The following SMAD2 variants were observed in gnomAD, a reference collection of about 807,000 sequenced individuals.
SMAD2 encodes the protein MAD homolog 2.
In SMAD2, 8 loss-of-function variants were observed where a neutral mutation model predicts 64.4. The ratio of observed to expected loss-of-function variants is 0.12; its 90% confidence interval spans 0.07 to 0.22. The LOEUF is 0.22. Among genes scored for constraint, SMAD2 ranks in the 10% least tolerant of loss-of-function variants. The probability of loss-of-function intolerance (pLI) is 1.00; values close to 1 mark genes in which losing one functional copy is unlikely to be tolerated. For missense variants in SMAD2, 289 were observed against 561.2 expected (o/e 0.51, Z 4.90); for synonymous variants, 203 against 195.8 (o/e 1.04, Z -0.31).
intron 2 of SMAD2, among the ~76,000 whole-genome samples, chr18:47,879,248 ACC>A (rs1342498629): frequency 6.6e-6 from 1 of 152,192 alleles, no homozygotes; most frequent in Non-Finnish European, 1.5e-5. Context: ...TCTTAATGGT[ACC>A]ATTTGAGTTT....
chr18:47,914,639 CATA>C (rs909898967), intron 1 of SMAD2, among the ~76,000 whole-genome samples: 1 of 151,210 alleles, frequency 6.6e-6, no homozygotes, highest in Non-Finnish European at 1.5e-5. Flanking sequence ...TTTGCTAAGT[CATA>C]ATGCCACTTC....
At chr18:47,880,165 C>G (rs922125300) in intron 2 of SMAD2, among the ~76,000 whole-genome samples, 1 of 152,190 alleles carries the variant, frequency 6.6e-6, no homozygotes, top group Non-Finnish European at 1.5e-5. Context: ...TGGAGTCTAA[C>G]TTAGCAGCTT....
At chr18:47,854,822 T>C (rs764365517) in intron 6 of SMAD2, among the ~76,000 whole-genome samples, 31 of 152,098 alleles carry the variant, frequency 2.0e-4, no homozygotes, top group Admixed American at 4.6e-4. Flanking sequence ...CAAACCACAA[T>C]GGTCCATTTG....
intron 1 of SMAD2, 146 bp downstream of exon 1, chr18:47,930,215 A>ACGCC: frequency 6.6e-6 from 1 of 151,566 alleles, no homozygotes; most frequent in South Asian, 2.1e-4. Flanking sequence ...CCGAACCCGC[A>ACGCC]CGCCCGGGCC....
At chr18:47,856,040 A>G (rs550520514) in intron 6 of SMAD2, among the ~76,000 whole-genome samples, 98 of 152,316 alleles carry the variant, frequency 6.4e-4, no homozygotes, top group African/African-American at 2.2e-3. Flanking sequence ...TGCCTTAAAA[A>G]GGGAGATCCT....
chr18:47,870,401 C>A (rs913588161), intron 3 of SMAD2, 74 bp downstream of exon 3: 3 of 1,058,672 alleles, frequency 2.8e-6, no homozygotes, highest in Non-Finnish European at 3.0e-6. Flanking sequence ...TACTAAGCAA[C>A]CCCATATAGG....
Position 47,817,937 on chromosome 18 carries a change from A to T in SMAD2, c.*23890T>A, listed in dbSNP as rs1912427343. The stretch of plus-strand genomic sequence containing the variant: ...TTTCTTTGCTCTTAAGAGATTGAGA[A>T]GAAACAAAATGGAAATTCTCAAACA... On this transcript the variant is annotated 3_prime_UTR_variant, in exon 11 of 11. Coordinates refer to ENST00000262160, the MANE Select transcript of SMAD2 (RefSeq NM_005901.6). The T allele has an allele frequency of 6.6e-6, 1 of 152,242 alleles. No individual in the cohort carries two copies. Among genetic ancestry groups the T allele is most frequent in the Admixed American group, 6.5e-5 (1 of 15,284 alleles). 9.4% of individuals were successfully genotyped at this position (152,242 alleles called of 1,614,324 possible).
In SMAD2 at chr18:47,841,679, T is replaced by G. The variant is rs1464390485; in HGVS notation, c.*148A>C. Reference sequence around the variant, plus strand: ...TAATATTCAAATATAGGAAACAGATTCCACAAGGTGCTTTAATTGATGAGA... The same window carrying G: ...TAATATTCAAATATAGGAAACAGATGCCACAAGGTGCTTTAATTGATGAGA... On this transcript the variant is annotated 3_prime_UTR_variant, in exon 11 of 11. Coordinates refer to ENST00000262160, the MANE Select transcript of SMAD2 (RefSeq NM_005901.6). 1 of 787,906 alleles carries G rather than the reference T, an allele frequency of 1.3e-6. No homozygotes were observed. Among genetic ancestry groups the G allele is most frequent in the Admixed American group, 2.1e-5 (1 of 46,858 alleles). The allele number at this position is 787,906 out of a possible 1,614,324, so 48.8% of individuals were successfully genotyped here. A position where few individuals can be genotyped will look rare whatever the true frequency, so the allele number is the denominator to read the frequency against.
At position 47,831,949 on chromosome 18, in the gene SMAD2, A is replaced by C. The variant is rs1366770137; in HGVS notation, c.*9878T>G. 1.3e-5 allele frequency: 2 copies of C among 152,080 alleles called. No individual in the cohort carries two copies. The highest frequency in any genetic ancestry group is 4.8e-5 in the African/African-American group (2 of 41,392). The allele number at this position is 152,080 out of a possible 1,614,324, so 9.4% of individuals were successfully genotyped here. ...TTGATGAGAAGGGTGAATCTGTCAA[A>C]GGGTAAGCTGGATAACTGTATGTTG... is the stretch of plus-strand genomic sequence containing the variant. On this transcript the variant is annotated 3_prime_UTR_variant, in exon 11 of 11. Coordinates refer to ENST00000262160, the MANE Select transcript of SMAD2 (RefSeq NM_005901.6).
At chr18:47,912,037 T>C (rs2034157536) in intron 1 of SMAD2, among the ~76,000 whole-genome samples, 1 of 152,152 alleles carries the variant, frequency 6.6e-6, no homozygotes, top group African/African-American at 2.4e-5. Flanking sequence ...ATTCAACCTT[T>C]GGAAGGGAAA....
intron 2 of SMAD2, 81 bp from the exon 3 acceptor site, chr18:47,870,645 G>C (rs1598806539): frequency 1.1e-6 from 1 of 891,636 alleles, no homozygotes; most frequent in Non-Finnish European, 1.9e-6. Context: ...AAAACATGGA[G>C]AATGTACAGA....
rs1447035817 is a variant in SMAD2 at position 47,850,726 on chromosome 18, T to C, written c.784+548A>G. Among the ~76,000 whole-genome samples the C allele has an allele frequency of 2.3e-3, 76 of 32,534 alleles. 8 individuals carry two copies. Among genetic ancestry groups the C allele is most frequent in the African/African-American group, 5.5e-3 (43 of 7,866 alleles). The allele number at this position is 32,534 out of a possible 152,430, so 21.3% of individuals were successfully genotyped here. A position where few individuals can be genotyped will look rare whatever the true frequency, so the allele number is the denominator to read the frequency against. On this transcript the variant is annotated intron_variant, in intron 7 of 10. Coordinates refer to ENST00000262160, the MANE Select transcript of SMAD2 (RefSeq NM_005901.6). ...TTATATACTATATATATATTATATATATTATGTATAATATATATTATATAT... is the reference window on the plus strand; with the variant it reads ...TTATATACTATATATATATTATATACATTATGTATAATATATATTATATAT...
intron 5 of SMAD2, among the ~76,000 whole-genome samples, chr18:47,867,568 C>T (rs1377331730): frequency 6.6e-6 from 1 of 151,200 alleles, no homozygotes; most frequent in Admixed American, 6.6e-5. Flanking sequence ...AATCCTCATC[C>T]TAACATCATG....
At chr18:47,907,112 G>T (rs935355674) in intron 1 of SMAD2, among the ~76,000 whole-genome samples, 2 of 151,936 alleles carry the variant, frequency 1.3e-5, no homozygotes, top group African/African-American at 4.8e-5. Context: ...AGTATAAAAT[G>T]GTATATAGCA....
intron 2 of SMAD2, among the ~76,000 whole-genome samples, chr18:47,885,407 A>ACC (rs1297233389): frequency 6.6e-6 from 1 of 152,048 alleles, no homozygotes; most frequent in Non-Finnish European, 1.5e-5. Flanking sequence ...ACCTCAAGTG[A>ACC]CCCACCTGCC....
At chr18:47,929,797 G>A (rs2034922913) in intron 1 of SMAD2, among the ~76,000 whole-genome samples, 1 of 152,162 alleles carries the variant, frequency 6.6e-6, no homozygotes, top group Admixed American at 6.5e-5. Flanking sequence ...TAAAAACCAA[G>A]TTTGAAATAC....
intron 6 of SMAD2, among the ~76,000 whole-genome samples, chr18:47,864,140 T>C (rs908941359): frequency 6.6e-6 from 1 of 152,170 alleles, no homozygotes; most frequent in African/African-American, 2.4e-5. Context: ...TCAAATATTA[T>C]TTGCATTAAG....
In SMAD2 at chr18:47,853,509, G is replaced by C. The variant is rs1378535288; in HGVS notation, c.731-2182C>G. 16 of 196,566 alleles carry C rather than the reference G, an allele frequency of 8.1e-5. 1 individual carries two copies. The allele number at this position is 196,566 out of a possible 1,614,324, so 12.2% of individuals were successfully genotyped here. On this transcript the variant is annotated intron_variant, in intron 6 of 10. Coordinates refer to ENST00000262160, the MANE Select transcript of SMAD2 (RefSeq NM_005901.6). The stretch of plus-strand genomic sequence containing the variant: ...ACTGCACTCCAGCCTGGGCGACAGA[G>C]CAAGACTCTGTCTCGAGAGGGAAAA...
At chr18:47,882,126 T>A (rs1208655748) in intron 2 of SMAD2, among the ~76,000 whole-genome samples, 2 of 133,866 alleles carry the variant, frequency 1.5e-5, no homozygotes, top group Admixed American at 8.6e-5. Context: ...TCTCAAGCAA[T>A]CCTACTGCGT....
Sources: gnomAD v4.1 joint callset for allele counts (sites outside exome capture counted in the v4.1 genomes callset) on GRCh38, gnomAD v4.1.1 for gene constraint, MANE v1.5 for transcripts, NCBI Gene and HGNC (gene_info 2026-07-23, HGNC 2026-07-21) for gene names.